The following SLC12A6 variants were observed in gnomAD, a reference collection of about 807,000 sequenced individuals.
The protein encoded by SLC12A6 is K-Cl cotransporter 3.
SLC12A6 carries 66 observed loss-of-function variants against 135.3 expected under a neutral mutation model. The ratio of observed to expected loss-of-function variants is 0.49; its 90% CI spans 0.40 to 0.60. The LOEUF (loss-of-function observed/expected upper bound fraction) is 0.60, where lower values mean the gene tolerates loss of function less well. Among genes scored for constraint, SLC12A6 ranks in the 20% least tolerant of loss-of-function variants. The pLI is 0.00. For missense variants in SLC12A6, 1,058 were observed against 1,452.3 expected (o/e 0.73, Z 4.41); for synonymous variants, 513 against 508.8 (o/e 1.01, Z -0.11).
At chr15:34,258,644 C>T (rs949940302) in intron 5 of SLC12A6, among the ~76,000 whole-genome samples, 169 bp downstream of exon 5, 1 of 152,254 alleles carries the variant, frequency 6.6e-6, no homozygotes, top group Admixed American at 6.5e-5. Context: ...AGAATTTAGA[C>T]TGCATCATAT....
At chr15:34,252,941 C>T (rs1046136984) in intron 9 of SLC12A6, among the ~76,000 whole-genome samples, 17 of 152,132 alleles carry the variant, frequency 1.1e-4, no homozygotes, top group African/African-American at 3.9e-4. Context: ...GCAAGGAAAA[C>T]AGCTTGGTCA....
intron 2 of SLC12A6, among the ~76,000 whole-genome samples, chr15:34,313,705 C>T (rs939755910): frequency 1.3e-5 from 2 of 152,130 alleles, no homozygotes; most frequent in East Asian, 3.9e-4. Flanking sequence ...AAGACAATGC[C>T]TCGCTTCAAA....
In SLC12A6 at chr15:34,236,061, T is replaced by G. The variant is rs751234919; in HGVS notation, c.3181A>C (p.Lys1061Gln). 6.2e-7 allele frequency: 1 copy of G among 1,614,140 alleles called. No homozygotes were observed. Among genetic ancestry groups the G allele is most frequent in the Non-Finnish European group, 8.5e-7 (1 of 1,180,004 alleles). Reference sequence around the variant, plus strand: ...TGGAATCCTTCCATTGACTTCGCTTTTTGTCCCCGGGATGCCATGTACTTG... The same window carrying G: ...TGGAATCCTTCCATTGACTTCGCTTGTTGTCCCCGGGATGCCATGTACTTG... ...KDKYMASRGQ[K>Q]AKSMEGFQDL... Residue 1061 changes from lysine to glutamine, a missense_variant, in exon 24 of 26, where the codon AAA (lysine) becomes CAA (glutamine). Physicochemically the swap from Lys to Gln is moderately conservative, Grantham distance 53. This residue lies in a region of SLC12A6 where 245 missense variants were observed against 440.8 expected (regional missense o/e 0.56). Transcript: ENST00000354181.
At chr15:34,298,846 T>C (rs966139020) in intron 2 of SLC12A6, among the ~76,000 whole-genome samples, 3 of 152,152 alleles carry the variant, frequency 2.0e-5, no homozygotes, top group African/African-American at 7.2e-5. Context: ...ATCATTTAGA[T>C]TCTCATCCTT....
chr15:34,290,428 T>C (rs945284370), intron 2 of SLC12A6, among the ~76,000 whole-genome samples: 4 of 152,204 alleles, frequency 2.6e-5, no homozygotes, highest in Non-Finnish European at 5.9e-5. Flanking sequence ...ATAAGTGCTA[T>C]GTGGTGCTGA....
At chr15:34,298,294 G>A (rs2141000440) in intron 2 of SLC12A6, among the ~76,000 whole-genome samples, 1 of 152,100 alleles carries the variant, frequency 6.6e-6, no homozygotes, top group Admixed American at 6.5e-5. Flanking sequence ...GGCCAAGATG[G>A]TGAAACCCCG....
intron 13 of SLC12A6, among the ~76,000 whole-genome samples, chr15:34,247,945 T>G (rs1566809379): frequency 6.6e-6 from 1 of 152,200 alleles, no homozygotes; most frequent in Non-Finnish European, 1.5e-5. Flanking sequence ...CCTCAAACAA[T>G]CTTCTAGCCT....
intron 2 of SLC12A6, among the ~76,000 whole-genome samples, chr15:34,309,916 C>T (rs1430537234): frequency 2.0e-5 from 3 of 152,036 alleles, no homozygotes; most frequent in Non-Finnish European, 4.4e-5. Context: ...GCTTTTCAAT[C>T]ACTATAGAAA....
At chr15:34,334,085 C>T (rs115177237) in intron 2 of SLC12A6, among the ~76,000 whole-genome samples, 1 of 143,122 alleles carries the variant, frequency 7.0e-6, no homozygotes, top group Admixed American at 7.0e-5. Context: ...AAAAAAAAAA[C>T]AAAAAAAACT....
chr15:34,238,498 T>G, intron 20 of SLC12A6, 97 bp from the exon 21 acceptor site: 1 of 905,974 alleles, frequency 1.1e-6, no homozygotes. Flanking sequence ...CACACTTCTT[T>G]GAGCAAGGGG....
At chr15:34,240,580 C>T (rs985894500) in intron 19 of SLC12A6, 81 bp downstream of exon 19, 2 of 1,190,654 alleles carry the variant, frequency 1.7e-6, no homozygotes, top group Non-Finnish European at 2.5e-6. Context: ...GAACAAGATT[C>T]AAGTAGAAGT....
intron 8 of SLC12A6, 142 bp from the exon 9 acceptor site, chr15:34,254,731 G>A (rs1442618069): frequency 3.0e-6 from 2 of 668,730 alleles, no homozygotes; most frequent in African/African-American, 3.7e-5. Context: ...TTTCTAATAG[G>A]ATCTGAAATG....
chr15:34,310,482 G>A (rs1230602169), intron 2 of SLC12A6, among the ~76,000 whole-genome samples: 1 of 120,692 alleles, frequency 8.3e-6, no homozygotes, highest in African/African-American at 3.5e-5. Context: ...TCAAGTGTGT[G>A]TGTGTGTGTG....
At chr15:34,254,623 A>T in intron 8 of SLC12A6, 34 bp from the exon 9 acceptor site, 1 of 1,517,336 alleles carries the variant, frequency 6.6e-7, no homozygotes, top group Non-Finnish European at 9.2e-7. Context: ...AAATTAGGTT[A>T]TTTCAAAATA....
intron 2 of SLC12A6, among the ~76,000 whole-genome samples, chr15:34,303,789 T>C (rs1394034463): frequency 1.6e-4 from 25 of 152,314 alleles, no homozygotes; most frequent in Admixed American, 1.4e-3. Flanking sequence ...CATGGGAAGA[T>C]GCAGCAAGAA....
At position 34,322,978 on chromosome 15, in the gene SLC12A6, C is replaced by CAAA. The variant is rs1218702689; in HGVS notation, c.271+13429_271+13431dup. Among the ~76,000 whole-genome samples the CAAA allele has an allele frequency of 1.0e-3, 39 of 38,996 alleles. 1 individual carries two copies. Among genetic ancestry groups the CAAA allele is most frequent in the Middle Eastern group, 0.018 (1 of 56 alleles). The allele number at this position is 38,996 out of a possible 152,430, so 25.6% of individuals were successfully genotyped here. On this transcript the variant is annotated intron_variant, in intron 2 of 25. Transcript: ENST00000354181. ...TGGGCGACAGAGTGAAACTCTGTCTCAAAAAAAAAAAAAAAAAAAAAAAAA... is the reference window on the plus strand; with the variant it reads ...TGGGCGACAGAGTGAAACTCTGTCTCAAAAAAAAAAAAAAAAAAAAAAAAAAAA...
chr15:34,242,521 C>A (rs1017187084), intron 16 of SLC12A6, among the ~76,000 whole-genome samples: 1 of 152,138 alleles, frequency 6.6e-6, no homozygotes, highest in African/African-American at 2.4e-5. Flanking sequence ...TCCTTTGCAA[C>A]AGAAGATGTT....
chr15:34,322,655 A>T (rs1459469274), intron 2 of SLC12A6, among the ~76,000 whole-genome samples: 1 of 151,880 alleles, frequency 6.6e-6, no homozygotes, highest in Non-Finnish European at 1.5e-5. Context: ...TTCACGATGA[A>T]AGTTTTTCAA....
chr15:34,326,614 T>G (rs1024656509), intron 2 of SLC12A6, among the ~76,000 whole-genome samples: 7 of 152,156 alleles, frequency 4.6e-5, no homozygotes, highest in African/African-American at 1.7e-4. Flanking sequence ...TAAAAGACAA[T>G]GAAATACCTA....
Sources: allele counts gnomAD v4.1 joint callset (sites outside exome capture counted in the v4.1 genomes callset), GRCh38; gene constraint gnomAD v4.1.1; regional missense constraint gnomAD v4.1.1; transcripts MANE v1.5; gene names NCBI Gene and HGNC (gene_info 2026-07-23, HGNC 2026-07-21).